Variants in FAM161A observed in about 807,000 individuals in gnomAD.
FAM161A encodes the protein protein FAM161A.
Under a neutral mutation model 70.9 loss-of-function variants are expected in FAM161A, and 57 were observed. The observed-to-expected ratio is 0.80, with a 90% CI of 0.65 to 1.00. The LOEUF (loss-of-function observed/expected upper bound fraction) is 1.00, where lower values mean the gene tolerates loss of function less well. FAM161A is among the 50% of genes least tolerant of loss of function. The pLI, the probability that FAM161A is intolerant of heterozygous loss-of-function variation, is 0.00. For missense variants in FAM161A, 880 were observed against 836.0 expected (o/e 1.05, Z -0.65); for synonymous variants, 299 against 295.7 (o/e 1.01, Z -0.12).
chr2:61,833,820 A>T (rs553522615), intron 5 of FAM161A, among the ~76,000 whole-genome samples: 95 of 152,218 alleles, frequency 6.2e-4, no homozygotes, highest in African/African-American at 2.3e-3. Context: ...ACTTGAGGCC[A>T]GGAGTTCACG....
chr2:61,834,954 G>A (rs1233377006), intron 5 of FAM161A, among the ~76,000 whole-genome samples: 2 of 152,106 alleles, frequency 1.3e-5, no homozygotes, highest in African/African-American at 4.8e-5. Flanking sequence ...ATGTAGAACA[G>A]CTTAAAATGA....
At chr2:61,830,076 G>A (rs1044378576) in intron 5 of FAM161A, among the ~76,000 whole-genome samples, 2 of 152,128 alleles carry the variant, frequency 1.3e-5, no homozygotes, top group Non-Finnish European at 2.9e-5. Flanking sequence ...CATTGAAAAT[G>A]AGAATAAATG....
the FAM161A span, among the ~76,000 whole-genome samples, chr2:61,816,393 T>A: frequency 6.6e-6 from 1 of 152,108 alleles, no homozygotes; most frequent in East Asian, 1.9e-4. Flanking sequence ...CTGGGGGAAA[T>A]GGTGGTTTGG....
chr2:61,825,672 C>G lies in FAM161A; in HGVS notation c.*783G>C, dbSNP rs1475631552. 13 of 423,682 alleles carry G rather than the reference C, an allele frequency of 3.1e-5. No individual in the cohort carries two copies. Among genetic ancestry groups the G allele is most frequent in the Non-Finnish European group, 5.5e-5 (12 of 218,706 alleles). The allele number at this position is 423,682 out of a possible 1,614,324, so 26.2% of individuals were successfully genotyped here. A position where few individuals can be genotyped will look rare whatever the true frequency, so the allele number is the denominator to read the frequency against. On this transcript the variant is annotated 3_prime_UTR_variant, in exon 7 of 7. Transcript: ENST00000404929. ...TTTTTTTTGGAGACGGAGTCTCGCT[C>G]TGTTGCCCAAGCTGGAGTGCAGTGG...
chr2:61,840,575 T>A lies in FAM161A; in HGVS notation c.429A>T (p.Val143=), dbSNP rs1672983665. ...EDSLSDSSRS[V]SEKNSYHPVS... ...CAGGGTGATAGGAGTTCTTTTCTGA[T>A]ACAGATCTAAATGAGAAGAATAACT... The change falls in exon 3 of 7, where the codon GTA becomes GTT. Residue 143 remains valine, a synonymous_variant. Transcript: ENST00000404929. The A allele has an allele frequency of 1.3e-6, 2 of 1,599,908 alleles. No individual in the cohort carries two copies. The highest frequency in any genetic ancestry group is 1.7e-6 in the Non-Finnish European group (2 of 1,167,142).
intron 1 of FAM161A, among the ~76,000 whole-genome samples, chr2:61,845,992 G>C (rs372147637): frequency 6.6e-6 from 1 of 150,520 alleles, no homozygotes; most frequent in African/African-American, 2.4e-5. Context: ...AGGGGACAGA[G>C]GCAGGAGAAT....
intron 1 of FAM161A, among the ~76,000 whole-genome samples, chr2:61,853,129 C>T (rs1357861902): frequency 6.6e-6 from 1 of 151,924 alleles, no homozygotes; most frequent in Non-Finnish European, 1.5e-5. Flanking sequence ...TCAGGCTGGT[C>T]TCGAACTCCT....
chr2:61,826,030 T>C lies in FAM161A; in HGVS notation c.*425A>G, dbSNP rs1428312997. The C allele has an allele frequency of 6.6e-6, 3 of 454,734 alleles. No individual in the cohort carries two copies. Among genetic ancestry groups the C allele is most frequent in the South Asian group, 3.1e-5 (2 of 64,440 alleles). The allele number at this position is 454,734 out of a possible 1,614,324, so 28.2% of individuals were successfully genotyped here. ...ACTGCAGAGAAAAAGAATGGGCAAA[T>C]AGTATAATTAAAAATAGTTATTGAT... is the stretch of plus-strand genomic sequence containing the variant. On this transcript the variant is annotated 3_prime_UTR_variant, in exon 7 of 7. Transcript: ENST00000404929.
At chr2:61,820,979 A>G (rs1672190657), downstream of FAM161A, among the ~76,000 whole-genome samples, 1 of 152,190 alleles carries the variant, frequency 6.6e-6, no homozygotes, top group Non-Finnish European at 1.5e-5. Flanking sequence ...GGCAGACTCT[A>G]TTAACATTTA....
intron 1 of FAM161A, 125 bp downstream of exon 1, chr2:61,853,734 G>A (rs1673577503): frequency 2.0e-6 from 2 of 1,000,058 alleles, no homozygotes; most frequent in Non-Finnish European, 1.5e-6. Flanking sequence ...GGACCACCAA[G>A]TAGGGACTAT....
chr2:61,840,794 G>A (rs568343171), intron 2 of FAM161A, among the ~76,000 whole-genome samples: 3 of 152,196 alleles, frequency 2.0e-5, no homozygotes, highest in South Asian at 4.2e-4. Flanking sequence ...GGGACTACAG[G>A]CTTGTGCCAC....
the FAM161A span, among the ~76,000 whole-genome samples, chr2:61,808,488 A>T: frequency 6.6e-6 from 1 of 151,934 alleles, no homozygotes; most frequent in African/African-American, 2.4e-5. Flanking sequence ...TGGCCAGGAT[A>T]GTCTCGATCT....
intron 1 of FAM161A, among the ~76,000 whole-genome samples, chr2:61,852,626 T>G (rs1646865520): frequency 6.6e-6 from 1 of 152,204 alleles, no homozygotes; most frequent in African/African-American, 2.4e-5. Flanking sequence ...AAAATTGTGT[T>G]GAGGGGTAGC....
chr2:61,822,715 T>C (rs1483333558), downstream of FAM161A, among the ~76,000 whole-genome samples: 1 of 152,024 alleles, frequency 6.6e-6, no homozygotes, highest in East Asian at 1.9e-4. Flanking sequence ...GCCTCCCAAA[T>C]GGCTGGGATT....
the FAM161A span, among the ~76,000 whole-genome samples, chr2:61,808,276 T>TA: frequency 0.17 from 25,928 of 148,348 alleles, 2,260 homozygotes; most frequent in African/African-American, 0.2. Context: ...TTATTATTAT[T>TA]TTTTTTTTTT....
chr2:61,840,179 A>T lies in FAM161A; in HGVS notation c.825T>A (p.Asp275Glu). Residue 275 changes from aspartate to glutamate, a missense_variant, in exon 3 of 7, where the codon GAT (aspartate) becomes GAA (glutamate). Asp to Glu is a conservative substitution (Grantham distance 45, BLOSUM62 2). Coordinates refer to ENST00000404929, the MANE Select transcript of FAM161A (RefSeq NM_001201543.2). ...VHKALKKQEE[D>E]PEYKKKFRAN... ...CTCGGAATTTCTTCTTATACTCTGG[A>T]TCCTCTTCTTGTTTTTTGAGCGCTT... 3 of 1,603,756 alleles carry T rather than the reference A, an allele frequency of 1.9e-6. No individual in the cohort carries two copies. Among genetic ancestry groups the T allele is most frequent in the Non-Finnish European group, 1.7e-6 (2 of 1,171,008 alleles).
chr2:61,800,416 T>G, the FAM161A span, among the ~76,000 whole-genome samples: 29 of 152,232 alleles, frequency 1.9e-4, no homozygotes, highest in Non-Finnish European at 4.0e-4. Context: ...GCCAGGCTGC[T>G]GCAGCTGCTC....
intron 1 of FAM161A, among the ~76,000 whole-genome samples, chr2:61,847,402 T>C (rs917385042): frequency 5.3e-5 from 8 of 152,168 alleles, no homozygotes; most frequent in Non-Finnish European, 1.0e-4. Flanking sequence ...GAAGTACTCA[T>C]CACCATTGAC....
At position 61,839,638 on chromosome 2, in the gene FAM161A, G is replaced by T; in HGVS notation, c.1366C>A (p.Pro456Thr). The T allele has an allele frequency of 1.2e-6, 2 of 1,614,172 alleles. No individual in the cohort carries two copies. The highest frequency in any genetic ancestry group is 1.7e-6 in the Non-Finnish European group (2 of 1,180,024). The change falls in exon 3 of 7, where the codon CCA becomes ACA. Residue 456 changes from proline to threonine, a missense_variant. Pro to Thr is a conservative substitution (Grantham distance 38, BLOSUM62 -1). Transcript: ENST00000404929. Reference protein sequence around the residue: ...KSPKLLTVCKPFDLHASPHAS... With the variant: ...KSPKLLTVCKTFDLHASPHAS... ...TGTGGAGATGCATGAAGATCAAATGGTTTACACACTGTTAAGAGTTTTGGA... is the reference window on the plus strand; with the variant it reads ...TGTGGAGATGCATGAAGATCAAATGTTTTACACACTGTTAAGAGTTTTGGA...
Sources: gnomAD v4.1 joint callset for allele counts (sites outside exome capture counted in the v4.1 genomes callset) on GRCh38, gnomAD v4.1.1 for gene constraint, MANE v1.5 for transcripts, NCBI Gene and HGNC (gene_info 2026-07-23, HGNC 2026-07-21) for gene names.